Variants in SAMD12 observed in about 807,000 individuals in gnomAD.
SAMD12 encodes the protein sterile alpha motif domain containing 12.
In SAMD12, 9 loss-of-function variants were observed where a neutral mutation model predicts 15.0. The ratio of observed to expected loss-of-function variants is 0.60; its 90% confidence interval spans 0.36 to 1.05. The LOEUF (loss-of-function observed/expected upper bound fraction) is 1.05. SAMD12 is among the 50% of genes least tolerant of loss of function. The probability of loss-of-function intolerance (pLI) is 0.01; values close to 1 mark genes in which losing one functional copy is unlikely to be tolerated. For synonymous variants in SAMD12, 86 were observed against 90.1 expected (o/e 0.96, Z 0.25); for missense variants, 230 against 234.2 (o/e 0.98, Z 0.12).
chr8:118,571,571 G>A (rs1179992599), intron 2 of SAMD12, among the ~76,000 whole-genome samples: 1 of 152,216 alleles, frequency 6.6e-6, no homozygotes, highest in Admixed American at 6.5e-5. Flanking sequence ...CGGGCCCAGG[G>A]TGCCCATGCT....
intron 4 of SAMD12, among the ~76,000 whole-genome samples, chr8:118,208,722 T>C (rs1012702067): frequency 6.6e-6 from 1 of 152,236 alleles, no homozygotes; most frequent in African/African-American, 2.4e-5. Flanking sequence ...TATCTTTATA[T>C]GGTTATGTAT....
chr8:118,378,844 T>C lies in SAMD12; in HGVS notation c.*573A>G, dbSNP rs1819516594. On this transcript the variant is annotated 3_prime_UTR_variant, in exon 4 of 4. Coordinates refer to ENST00000314727, the MANE Select transcript of SAMD12 (RefSeq NM_207506.3). ...TCGAATTCTAGCTTTATTTTGTCAC[T>C]TCCACAGTTATTGAGATCTTAAGTG... 18 of 985,118 alleles carry C rather than the reference T, an allele frequency of 1.8e-5. No homozygotes were observed. The highest frequency in any genetic ancestry group is 2.2e-5 in the Non-Finnish European group (18 of 829,716). 61.0% of individuals were successfully genotyped at this position (985,118 alleles called of 1,614,324 possible).
At chr8:118,142,859 G>C in the SAMD12 span, among the ~76,000 whole-genome samples, 1 of 152,216 alleles carries the variant, frequency 6.6e-6, no homozygotes, top group South Asian at 2.1e-4. Flanking sequence ...TGAGGAAGAA[G>C]AGTGAGGGAA....
intron 4 of SAMD12, among the ~76,000 whole-genome samples, chr8:118,350,263 T>TAGGGAG (rs1383799382): frequency 6.6e-6 from 1 of 152,168 alleles, no homozygotes; most frequent in Admixed American, 6.5e-5. Flanking sequence ...GGTCCCATAG[T>TAGGGAG]AGGGAGTGGC....
intron 4 of SAMD12, among the ~76,000 whole-genome samples, chr8:118,304,583 C>T (rs1379660476): frequency 2.6e-5 from 4 of 151,638 alleles, no homozygotes; most frequent in Non-Finnish European, 5.9e-5. Flanking sequence ...CACGGTGAAA[C>T]CCCGTCTCTA....
chr8:118,430,177 T>C (rs1430397264), intron 3 of SAMD12, among the ~76,000 whole-genome samples: 4 of 152,226 alleles, frequency 2.6e-5, no homozygotes, highest in South Asian at 2.1e-4. Flanking sequence ...TTAGGTCACA[T>C]TGATTGACAA....
chr8:118,621,107 G>A (rs1033662723), intron 1 of SAMD12: 2 of 152,296 alleles, frequency 1.3e-5, no homozygotes, highest in East Asian at 1.9e-4. Context: ...AGGACTTTAC[G>A]GTCAAAACTG....
intron 3 of SAMD12, among the ~76,000 whole-genome samples, chr8:118,391,869 A>G (rs1397957476): frequency 6.6e-6 from 1 of 152,150 alleles, no homozygotes; most frequent in African/African-American, 2.4e-5. Flanking sequence ...AACAGCTACA[A>G]AAACAATAAT....
chr8:118,212,059 ATT>A (rs988539962), intron 4 of SAMD12, among the ~76,000 whole-genome samples: 3 of 90,764 alleles, frequency 3.3e-5, no homozygotes, highest in Admixed American at 9.7e-5. Context: ...TGTGTTGCAG[ATT>A]TTGTGTGTGT....
intron 4 of SAMD12, among the ~76,000 whole-genome samples, chr8:118,281,733 C>A (rs1448610020): frequency 2.6e-5 from 4 of 152,170 alleles, no homozygotes; most frequent in African/African-American, 9.7e-5. Flanking sequence ...TAGCCTCAGT[C>A]ATGGTCAAGT....
intron 3 of SAMD12, among the ~76,000 whole-genome samples, chr8:118,435,277 A>G (rs1362828378): frequency 2.0e-5 from 3 of 152,140 alleles, no homozygotes; most frequent in Non-Finnish European, 2.9e-5. Context: ...ATATTTACCT[A>G]ATTATTATTA....
chr8:118,470,320 A>G (rs1298255182), intron 2 of SAMD12, among the ~76,000 whole-genome samples: 1 of 152,018 alleles, frequency 6.6e-6, no homozygotes, highest in Non-Finnish European at 1.5e-5. Context: ...ATGGAAAGCA[A>G]TAGATAACCT....
At chr8:118,594,342 T>C (rs1056914777) in intron 1 of SAMD12, among the ~76,000 whole-genome samples, 1 of 152,156 alleles carries the variant, frequency 6.6e-6, no homozygotes, top group African/African-American at 2.4e-5. Context: ...GTTAACCCCA[T>C]TTTATGAAAT....
chr8:118,565,060 G>C (rs764935717), intron 2 of SAMD12, among the ~76,000 whole-genome samples: 1 of 152,200 alleles, frequency 6.6e-6, no homozygotes, highest in Non-Finnish European at 1.5e-5. Flanking sequence ...GAACCCAGGA[G>C]GGGAGGGGAA....
chr8:118,475,501 A>G (rs1586747617), intron 2 of SAMD12, among the ~76,000 whole-genome samples: 1 of 152,264 alleles, frequency 6.6e-6, no homozygotes, highest in Non-Finnish European at 1.5e-5. Flanking sequence ...AGACTAAGAC[A>G]CTAATATTAC....
At chr8:118,617,747 T>C (rs1586861123) in intron 1 of SAMD12, among the ~76,000 whole-genome samples, 1 of 152,252 alleles carries the variant, frequency 6.6e-6, no homozygotes, top group Middle Eastern at 3.4e-3. Context: ...CATTTATATG[T>C]CATTCATGAA....
chr8:118,466,576 G>A (rs148923261), intron 2 of SAMD12, among the ~76,000 whole-genome samples: 2 of 152,136 alleles, frequency 1.3e-5, no homozygotes, highest in African/African-American at 2.4e-5. Flanking sequence ...CCCAAGTGGG[G>A]TAAGTATAAA....
chr8:118,481,775 A>G (rs1824135300), intron 2 of SAMD12, among the ~76,000 whole-genome samples: 1 of 152,152 alleles, frequency 6.6e-6, no homozygotes, highest in Admixed American at 6.5e-5. Flanking sequence ...AAAGAGTTCC[A>G]TTAAATATAA....
chr8:118,465,625 T>C (rs1294654935), intron 2 of SAMD12, among the ~76,000 whole-genome samples: 1 of 152,198 alleles, frequency 6.6e-6, no homozygotes, highest in African/African-American at 2.4e-5. Flanking sequence ...GGAGAAGCTA[T>C]GTAACAGCTT....
Sources: gnomAD v4.1 joint callset for allele counts (sites outside exome capture counted in the v4.1 genomes callset) on GRCh38, gnomAD v4.1.1 for gene constraint, MANE v1.5 for transcripts, NCBI Gene and HGNC (gene_info 2026-07-23, HGNC 2026-07-21) for gene names.